The following CREB5 variants were observed in gnomAD, a reference collection of about 807,000 sequenced individuals.
CREB5 encodes the protein cAMP responsive element binding protein 5, also known as cyclic AMP-responsive element-binding protein 5.
Under a neutral mutation model 57.1 loss-of-function variants are expected in CREB5, and 19 were observed. The ratio of observed to expected loss-of-function variants is 0.33; its 90% confidence interval spans 0.23 to 0.49. The LOEUF is 0.49. CREB5 is among the 20% of genes least tolerant of loss of function. The probability of loss-of-function intolerance (pLI) is 0.99; values close to 1 mark genes in which losing one functional copy is unlikely to be tolerated. For synonymous variants in CREB5, 238 were observed against 238.3 expected, an observed-to-expected ratio of 1.00 and a Z score of 0.01; for missense variants, 579 against 671.6, an observed-to-expected ratio of 0.86 and a Z score of 1.52.
intron 8 of CREB5, among the ~76,000 whole-genome samples, chr7:28,805,488 C>T (rs1400606158): frequency 6.6e-6 from 1 of 152,164 alleles, no homozygotes; most frequent in Non-Finnish European, 1.5e-5. Context: ...CGCCAAAAAA[C>T]ACTTATTCAC....
At chr7:28,339,332 A>G (rs1327239541) in intron 1 of CREB5, among the ~76,000 whole-genome samples, 1 of 152,142 alleles carries the variant, frequency 6.6e-6, no homozygotes. Flanking sequence ...TCACAGCCAT[A>G]TTTGCATTGG....
intron 1 of CREB5, among the ~76,000 whole-genome samples, chr7:28,344,767 C>A (rs2127989440): frequency 6.6e-6 from 1 of 151,382 alleles, no homozygotes; most frequent in South Asian, 2.1e-4. Flanking sequence ...TTATAAGAGA[C>A]CTTCTTTAGC....
At chr7:28,309,908 C>T (rs907022834) in intron 1 of CREB5, among the ~76,000 whole-genome samples, 1 of 152,140 alleles carries the variant, frequency 6.6e-6, no homozygotes, top group Non-Finnish European at 1.5e-5. Flanking sequence ...TGTGCTTAAC[C>T]ATTAACAAGG....
chr7:28,672,182 A>AC (rs1554283282), intron 5 of CREB5, among the ~76,000 whole-genome samples: 230 of 92,366 alleles, frequency 2.5e-3, no homozygotes, highest in African/African-American at 5.2e-3. Flanking sequence ...ATGGAAAAAA[A>AC]AAAAAAACAC....
intron 3 of CREB5, among the ~76,000 whole-genome samples, chr7:28,504,898 G>A (rs1003877425): frequency 2.0e-5 from 3 of 152,132 alleles, no homozygotes; most frequent in African/African-American, 7.2e-5. Context: ...GGTTCCCTTG[G>A]TGAGTTGGTT....
intron 1 of CREB5, among the ~76,000 whole-genome samples, chr7:28,340,328 G>C (rs927675348): frequency 6.6e-6 from 1 of 152,172 alleles, no homozygotes; most frequent in Non-Finnish European, 1.5e-5. Flanking sequence ...TGATTATTTA[G>C]GACCCAACAA....
intron 1 of CREB5, among the ~76,000 whole-genome samples, chr7:28,441,504 T>A (rs1789183040): frequency 6.6e-6 from 1 of 152,210 alleles, no homozygotes; most frequent in African/African-American, 2.4e-5. Context: ...CCTCCCAGAA[T>A]GATTGAGAGG....
At chr7:28,706,681 A>G (rs1164752476) in intron 5 of CREB5, among the ~76,000 whole-genome samples, 3 of 152,182 alleles carry the variant, frequency 2.0e-5, no homozygotes, top group Non-Finnish European at 4.4e-5. Context: ...ATTAATATCA[A>G]TTCTGCTTCA....
At position 28,560,877 on chromosome 7, in the gene CREB5, T is replaced by TGTGTGCGC. The variant is rs1554344364; in HGVS notation, c.292-9487_292-9486insTGTGCGCG. ...GTGTGTGCGTGTGCCTGCGTGCGCG[T>TGTGTGCGC]GCGTGCGTGCGTGTGTGTGCGTGCG... On this transcript the variant is annotated intron_variant, in intron 4 of 10. Coordinates refer to ENST00000357727, the MANE Select transcript of CREB5 (RefSeq NM_182898.4). Among the ~76,000 whole-genome samples the TGTGTGCGC allele has an allele frequency of 2.3e-4, 7 of 30,860 alleles. 1 individual carries two copies. The highest frequency in any genetic ancestry group is 3.8e-4 in the Admixed American group (1 of 2,632). The allele number at this position is 30,860 out of a possible 152,430, so 20.2% of individuals were successfully genotyped here.
At position 28,412,877 on chromosome 7, in the gene CREB5, G is replaced by A. The variant is rs1478440162; in HGVS notation, c.-38G>A. 2.7e-6 allele frequency: 4 copies of A among 1,483,284 alleles called. No homozygotes were observed. Among genetic ancestry groups the A allele is most frequent in the Non-Finnish European group, 3.6e-6 (4 of 1,114,294 alleles). 91.9% of individuals were successfully genotyped at this position (1,483,284 alleles called of 1,614,324 possible). A position where few individuals can be genotyped will look rare whatever the true frequency, so the allele number is the denominator to read the frequency against. ...GAAGAAAAAACTTGATTTGGTGACTGCAGGAAGCAACACGTTGCTGCTTTT... is the reference window on the plus strand; with the variant it reads ...GAAGAAAAAACTTGATTTGGTGACTACAGGAAGCAACACGTTGCTGCTTTT... On this transcript the variant is annotated 5_prime_UTR_variant, in exon 1 of 11. Transcript: ENST00000357727.
chr7:28,611,254 C>T (rs1270123799), intron 5 of CREB5, among the ~76,000 whole-genome samples: 2 of 151,900 alleles, frequency 1.3e-5, no homozygotes, highest in South Asian at 2.1e-4. Flanking sequence ...ACCAGTAAAT[C>T]GCACCCCTGT....
intron 5 of CREB5, among the ~76,000 whole-genome samples, chr7:28,640,914 C>G (rs1479785796): frequency 6.6e-6 from 1 of 152,148 alleles, no homozygotes; most frequent in African/African-American, 2.4e-5. Flanking sequence ...TCCCTGAGAG[C>G]CAGTGCTTTA....
At chr7:28,549,097 A>G (rs6943315) in intron 4 of CREB5, among the ~76,000 whole-genome samples, 22,807 of 152,184 alleles carry the variant, frequency 0.15, 2,074 homozygotes, top group East Asian at 0.31. Context: ...AATTTTTCAA[A>G]TCTTAGAATC....
intron 5 of CREB5, among the ~76,000 whole-genome samples, chr7:28,683,550 T>C (rs575414181): frequency 3.5e-4 from 53 of 152,274 alleles, no homozygotes; most frequent in Admixed American, 7.2e-4. Context: ...CCTTGGCATT[T>C]GTCTGGGTTT....
rs142584439 is a variant in CREB5, at chr7:28,364,112, A to G, written c.-25+64671A>G. On this transcript the variant is annotated intron_variant, in intron 1 of 9. Coordinates refer to the CREB5 transcript ENST00000396299. ...ATTTCATCTCAAGTCTTACCTGTGA[A>G]TGGCTTAATGTTTGGTGTTTTCAGT... Among the ~76,000 whole-genome samples, 315 of 152,314 alleles carry G rather than the reference A, an allele frequency of 2.1e-3. 7 individuals carry two copies. Among genetic ancestry groups the G allele is most frequent in the Middle Eastern group, 0.014 (4 of 294 alleles).
intron 1 of CREB5, among the ~76,000 whole-genome samples, chr7:28,427,628 G>A (rs751091840): frequency 3.3e-5 from 5 of 151,720 alleles, no homozygotes; most frequent in African/African-American, 4.8e-5. Context: ...ATTTCCCCAC[G>A]GTGCCTGTCA....
At chr7:28,343,367 C>T (rs1785974867) in intron 1 of CREB5, among the ~76,000 whole-genome samples, 1 of 152,188 alleles carries the variant, frequency 6.6e-6, no homozygotes, top group South Asian at 2.1e-4. Context: ...TATCCCCAGA[C>T]CCTGGTAACC....
At chr7:28,590,026 C>A (rs1441663412) in intron 5 of CREB5, among the ~76,000 whole-genome samples, 3 of 152,158 alleles carry the variant, frequency 2.0e-5, no homozygotes, top group Non-Finnish European at 4.4e-5. Context: ...AGTCAGGAAA[C>A]AACAGGTGCT....
chr7:28,690,477 G>A (rs1801193548), intron 5 of CREB5, among the ~76,000 whole-genome samples: 2 of 152,134 alleles, frequency 1.3e-5, no homozygotes, highest in Non-Finnish European at 1.5e-5. Flanking sequence ...AGCAGGGTGG[G>A]GTCTCCTGAA....
Sources: allele counts gnomAD v4.1 joint callset (sites outside exome capture counted in the v4.1 genomes callset), GRCh38; gene constraint gnomAD v4.1.1; transcripts MANE v1.5; gene names NCBI Gene and HGNC (gene_info 2026-07-23, HGNC 2026-07-21).